Variants in NRXN1 observed in about 807,000 individuals in gnomAD.
NRXN1 encodes neurexin-1.
Under a neutral mutation model 150.9 loss-of-function variants are expected in NRXN1, and 39 were observed. The observed-to-expected ratio is 0.26, with a 90% CI of 0.20 to 0.34. The LOEUF is 0.34. NRXN1 is among the 10% of genes least tolerant of loss of function. The probability of loss-of-function intolerance (pLI) is 1.00; values close to 1 mark genes in which losing one functional copy is unlikely to be tolerated. For synonymous variants in NRXN1, 924 were observed against 757.0 expected (o/e 1.22, Z -3.62); for missense variants, 1,815 against 1,949.9 (o/e 0.93, Z 1.30).
At chr2:50,965,068 G>C (rs1693836998) in intron 2 of NRXN1, among the ~76,000 whole-genome samples, 1 of 151,320 alleles carries the variant, frequency 6.6e-6, no homozygotes, top group Admixed American at 6.6e-5. Flanking sequence ...GTAGCAATTA[G>C]GAGAAAGAAG....
At chr2:50,624,908 G>A (rs1266219090) in intron 5 of NRXN1, 1 of 152,042 alleles carries the variant, frequency 6.6e-6, no homozygotes, top group Non-Finnish European at 1.5e-5. Context: ...GATGAGGTGA[G>A]TTGAACCAAA....
At chr2:50,101,826 T>C (rs1226336079) in intron 18 of NRXN1, among the ~76,000 whole-genome samples, 2 of 151,988 alleles carry the variant, frequency 1.3e-5, no homozygotes, top group African/African-American at 4.8e-5. Context: ...GGAAATGTTT[T>C]CAAGTGTGTT....
chr2:50,623,767 CAGGG>C, intron 5 of NRXN1, 152 bp from the exon 6 acceptor site: 3 of 576,920 alleles, frequency 5.2e-6, no homozygotes, highest in Non-Finnish European at 9.0e-6. Flanking sequence ...CAGTACTGTA[CAGGG>C]CAGTATTTTT....
intron 5 of NRXN1, among the ~76,000 whole-genome samples, chr2:50,785,069 G>C (rs1222835642): frequency 6.6e-6 from 1 of 151,894 alleles, no homozygotes; most frequent in Non-Finnish European, 1.5e-5. Flanking sequence ...GCCTTTCCAA[G>C]AAGAGGAAGA....
At chr2:50,032,327 T>C (rs1240273521) in intron 21 of NRXN1, among the ~76,000 whole-genome samples, 2 of 152,076 alleles carry the variant, frequency 1.3e-5, no homozygotes, top group African/African-American at 4.8e-5. Context: ...ACTTTCTCTA[T>C]TGTGATACTG....
chr2:50,517,045 G>T (rs2092651550), intron 12 of NRXN1, among the ~76,000 whole-genome samples: 1 of 152,080 alleles, frequency 6.6e-6, no homozygotes, highest in African/African-American at 2.4e-5. Context: ...GGTTCTACAA[G>T]TTATTAGCTG....
chr2:50,998,839 A>G (rs951192497), intron 2 of NRXN1, among the ~76,000 whole-genome samples: 1 of 152,092 alleles, frequency 6.6e-6, no homozygotes, highest in Non-Finnish European at 1.5e-5. Flanking sequence ...ATAGTACAGT[A>G]TAAACTTGAT....
In NRXN1 at chr2:50,552,722, C is replaced by T; in HGVS notation, c.1624G>A (p.Ala542Thr). 1.2e-6 allele frequency: 2 copies of T among 1,613,980 alleles called. No individual in the cohort carries two copies. Among genetic ancestry groups the T allele is most frequent in the South Asian group, 2.2e-5 (2 of 91,086 alleles). Reference protein sequence around the residue: ...HPQMIKVDFFAIEMLDGHLYL... With the variant: ...HPQMIKVDFFTIEMLDGHLYL... ...AGGTGGCCATCTAGCATCTCAATAGCAAAGAAGTCCACCTTTATCATCTGT... is the reference window on the plus strand; with the variant it reads ...AGGTGGCCATCTAGCATCTCAATAGTAAAGAAGTCCACCTTTATCATCTGT... The change falls in exon 9 of 23, where the codon GCT (alanine) becomes ACT (threonine). Residue 542 changes from alanine (A) to threonine (T), a missense_variant. Physicochemically the swap from Ala to Thr is moderately conservative, Grantham distance 58 (BLOSUM62 0). Coordinates refer to ENST00000401669, the MANE Select transcript of NRXN1 (RefSeq NM_001330078.2).
At chr2:50,833,624 T>G (rs1204630385) in intron 5 of NRXN1, among the ~76,000 whole-genome samples, 1 of 152,128 alleles carries the variant, frequency 6.6e-6, no homozygotes, top group Non-Finnish European at 1.5e-5. Context: ...AAATGGTCAG[T>G]GGATGCCATG....
At chr2:50,828,408 CGG>C (rs1389241292) in intron 5 of NRXN1, among the ~76,000 whole-genome samples, 10 of 150,910 alleles carry the variant, frequency 6.6e-5, no homozygotes, top group South Asian at 2.1e-4. Flanking sequence ...GGCTGCCGGG[CGG>C]AGGGGCTCCT....
chr2:50,164,317 G>T (rs1476227415), intron 18 of NRXN1, among the ~76,000 whole-genome samples: 1 of 152,224 alleles, frequency 6.6e-6, no homozygotes, highest in African/African-American at 2.4e-5. Context: ...GACACAACCT[G>T]GAGGAATTTA....
chr2:50,294,307 G>C (rs2073303095), intron 17 of NRXN1, among the ~76,000 whole-genome samples: 3 of 152,220 alleles, frequency 2.0e-5, no homozygotes, highest in African/African-American at 7.2e-5. Context: ...TTTAGGAATT[G>C]CTCAATGTTT....
At chr2:50,691,433 T>G (rs1165098639) in intron 5 of NRXN1, among the ~76,000 whole-genome samples, 1 of 152,140 alleles carries the variant, frequency 6.6e-6, no homozygotes, top group African/African-American at 2.4e-5. Flanking sequence ...ATAAATGAGA[T>G]TTTTTAAACA....
intron 5 of NRXN1, among the ~76,000 whole-genome samples, chr2:50,853,182 C>T (rs1003678884): frequency 1.3e-5 from 2 of 152,126 alleles, no homozygotes; most frequent in Non-Finnish European, 2.9e-5. Flanking sequence ...ATATTGACTA[C>T]TTGCACAAAC....
intron 17 of NRXN1, among the ~76,000 whole-genome samples, chr2:50,405,881 T>C (rs935626009): frequency 1.1e-4 from 16 of 152,152 alleles, no homozygotes; most frequent in African/African-American, 3.6e-4. Flanking sequence ...CAGTCATTTT[T>C]GAAGGTGATT....
intron 5 of NRXN1, among the ~76,000 whole-genome samples, chr2:50,741,422 A>G (rs933570088): frequency 6.6e-6 from 1 of 152,324 alleles, no homozygotes; most frequent in South Asian, 2.1e-4. Context: ...TCCTCTGCCC[A>G]AATGCTCCTA....
chr2:50,567,964 G>C (rs1670117111), intron 8 of NRXN1, among the ~76,000 whole-genome samples: 1 of 152,104 alleles, frequency 6.6e-6, no homozygotes, highest in Non-Finnish European at 1.5e-5. Context: ...TGTCTGTGGA[G>C]CTGTGCAGCA....
At chr2:50,568,674 C>T (rs1313793684) in intron 8 of NRXN1, among the ~76,000 whole-genome samples, 1 of 152,024 alleles carries the variant, frequency 6.6e-6, no homozygotes, top group Non-Finnish European at 1.5e-5. Context: ...AAAAGGGAAA[C>T]CCTTGTACAC....
At chr2:50,969,540 TAGAA>T (rs1219699308) in intron 2 of NRXN1, among the ~76,000 whole-genome samples, 9 of 152,250 alleles carry the variant, frequency 5.9e-5, no homozygotes, top group South Asian at 2.1e-4. Flanking sequence ...GTACTGGAAA[TAGAA>T]AGTATAAATC....
Sources: gnomAD v4.1 joint callset for allele counts (sites outside exome capture counted in the v4.1 genomes callset) on GRCh38, gnomAD v4.1.1 for gene constraint, MANE v1.5 for transcripts, NCBI Gene and HGNC (gene_info 2026-07-23, HGNC 2026-07-21) for gene names.